PALD1: variants seen among roughly 807,000 people sequenced by gnomAD.
PALD1 encodes the protein phosphatase domain containing paladin 1.
A neutral mutation model predicts 96.0 loss-of-function variants in PALD1; 57 were observed. The observed-to-expected ratio is 0.59, with a 90% CI of 0.48 to 0.74. The LOEUF (loss-of-function observed/expected upper bound fraction) is 0.74, where lower values mean the gene tolerates loss of function less well. PALD1 is among the 30% of genes least tolerant of loss of function. PALD1 has a pLI of 0.00. For missense variants in PALD1, 1,063 were observed against 1,143.7 expected, an observed-to-expected ratio of 0.93 and a Z score of 1.02; for synonymous variants, 464 against 473.6, an observed-to-expected ratio of 0.98 and a Z score of 0.26.
intron 1 of PALD1, among the ~76,000 whole-genome samples, chr10:70,495,859 A>T (rs78170573): frequency 6.7e-6 from 1 of 148,932 alleles, no homozygotes; most frequent in Non-Finnish European, 1.5e-5. Context: ...AAAAAAAAAA[A>T]TTAGCCAGCT....
Position 70,547,457 on chromosome 10 carries a change from A to AACC in PALD1, c.2262+11_2262+12insACC. On this transcript the variant is annotated intron_variant, in intron 18 of 19. Transcript: ENST00000263563. ...TGCACCTACCGCCAGGTGAGCCCCC[A>AACC]CCCCACCCCACCCCACCCTGCCCCA... is the stretch of plus-strand genomic sequence containing the variant. 4 of 1,016,482 alleles carry AACC rather than the reference A, an allele frequency of 3.9e-6. No homozygotes were observed. Among genetic ancestry groups the AACC allele is most frequent in the Non-Finnish European group, 5.5e-6 (4 of 730,194 alleles). The allele number at this position is 1,016,482 out of a possible 1,614,324, so 63.0% of individuals were successfully genotyped here. A position where few individuals can be genotyped will look rare whatever the true frequency, so the allele number is the denominator to read the frequency against.
chr10:70,519,023 G>A (rs1846672619), intron 1 of PALD1, among the ~76,000 whole-genome samples: 2 of 152,216 alleles, frequency 1.3e-5, no homozygotes, highest in South Asian at 4.1e-4. Context: ...CTGTCCTTGT[G>A]GCCACTTGCT....
rs188966840 is a variant in PALD1 at position 70,485,044 on chromosome 10, C to T, written c.-30+5985C>T. ...ATTTTTAGCAGTGTTGTACAAAGAA[C>T]TGTCTTTTCATGTGAAATTCATGAA... On this transcript the variant is annotated intron_variant, in intron 1 of 19. Coordinates refer to ENST00000263563, the MANE Select transcript of PALD1 (RefSeq NM_014431.3). Among the ~76,000 whole-genome samples the T allele has an allele frequency of 2.6e-5, 4 of 152,250 alleles. 1 individual carries two copies. The East Asian group carries it at 7.7e-4, about 29-fold the overall frequency.
intron 1 of PALD1, among the ~76,000 whole-genome samples, chr10:70,522,557 C>T (rs187043172): frequency 9.2e-5 from 14 of 152,304 alleles, no homozygotes; most frequent in East Asian, 3.9e-4. Context: ...CTGTGAGCTC[C>T]GTGGGCACTG....
At chr10:70,520,529 A>G (rs1324442473) in intron 1 of PALD1, among the ~76,000 whole-genome samples, 4 of 151,832 alleles carry the variant, frequency 2.6e-5, no homozygotes, top group African/African-American at 4.8e-5. Flanking sequence ...AAGGCTCACC[A>G]CTCTGGCAGG....
intron 18 of PALD1, among the ~76,000 whole-genome samples, chr10:70,562,695 G>GA (rs1253663231): frequency 6.6e-6 from 1 of 152,142 alleles, no homozygotes; most frequent in African/African-American, 2.4e-5. Flanking sequence ...GATGGGGTGA[G>GA]AAGGGGATGG....
chr10:70,527,149 G>A (rs1846885136), intron 2 of PALD1, among the ~76,000 whole-genome samples: 1 of 152,224 alleles, frequency 6.6e-6, no homozygotes, highest in African/African-American at 2.4e-5. Context: ...TCGTGCCCCA[G>A]GCCTGGTTCT....
At position 70,529,981 on chromosome 10, in the gene PALD1, G is replaced by C. The variant is rs1431583597; in HGVS notation, c.381G>C (p.Gln127His). 5.0e-6 allele frequency: 8 copies of C among 1,611,454 alleles called. No homozygotes were observed. Among genetic ancestry groups the C allele is most frequent in the Non-Finnish European group, 8.5e-7 (1 of 1,178,876 alleles). Residue 127 changes from glutamine (Q) to histidine (H), a missense_variant, in exon 4 of 20, where the codon CAG becomes CAC. Coordinates refer to ENST00000263563, the MANE Select transcript of PALD1 (RefSeq NM_014431.3). Reference protein sequence around the residue: ...SCGAPNFRQVQGGLTVFGMGQ... With the variant: ...SCGAPNFRQVHGGLTVFGMGQ... The stretch of plus-strand genomic sequence containing the variant: ...GGGCCCCCAACTTCCGGCAGGTGCA[G>C]GGTGGGCTCACTGTGTTCGGCATGG...
chr10:70,464,134 T>TG, the PALD1 span, among the ~76,000 whole-genome samples: 88 of 152,188 alleles, frequency 5.8e-4, 1 homozygote, highest in East Asian at 0.015. Context: ...CCTTGATGAT[T>TG]GTCATAGGCT....
intron 1 of PALD1, among the ~76,000 whole-genome samples, chr10:70,525,197 A>G (rs2027112): frequency 0.038 from 5,742 of 149,994 alleles, 353 homozygotes; most frequent in African/African-American, 0.13. Flanking sequence ...TTTTAAGTAG[A>G]GATGGGGTTT....
At chr10:70,512,979 A>G (rs1846542964) in intron 1 of PALD1, among the ~76,000 whole-genome samples, 1 of 152,232 alleles carries the variant, frequency 6.6e-6, no homozygotes, top group Non-Finnish European at 1.5e-5. Context: ...ATACAAAACT[A>G]TGATGATCAT....
At chr10:70,460,978 C>T in the PALD1 span, among the ~76,000 whole-genome samples, 1 of 152,206 alleles carries the variant, frequency 6.6e-6, no homozygotes, top group Non-Finnish European at 1.5e-5. Context: ...TCACTTGAAC[C>T]CAAGAGGCAG....
At chr10:70,565,733 T>C (rs915154) in intron 19 of PALD1, among the ~76,000 whole-genome samples, 38,949 of 151,992 alleles carry the variant, frequency 0.26, 5,420 homozygotes, top group Admixed American at 0.4. Flanking sequence ...CATGTCGGGG[T>C]GCCTTCTTGA....
At chr10:70,470,384 T>A in the PALD1 span, among the ~76,000 whole-genome samples, 2 of 151,978 alleles carry the variant, frequency 1.3e-5, no homozygotes, top group Admixed American at 6.6e-5. Context: ...AAAACTCAAC[T>A]ATGCAGTAGG....
the PALD1 span, among the ~76,000 whole-genome samples, chr10:70,460,633 T>A: frequency 6.6e-6 from 1 of 152,122 alleles, no homozygotes; most frequent in Admixed American, 6.6e-5. Flanking sequence ...ATCTCTCTCC[T>A]GGACAACTGT....
chr10:70,521,913 T>G (rs1846744662), intron 1 of PALD1, among the ~76,000 whole-genome samples: 1 of 151,822 alleles, frequency 6.6e-6, no homozygotes, highest in African/African-American at 2.4e-5. Context: ...ATACATAAAA[T>G]AGGTGGGGTT....
upstream of PALD1, among the ~76,000 whole-genome samples, chr10:70,477,536 T>C (rs555920544): frequency 2.0e-5 from 3 of 152,306 alleles, no homozygotes; most frequent in South Asian, 6.2e-4. Context: ...GGACAAGTCT[T>C]CCCTGGGCCT....
At chr10:70,508,851 G>GTGTGTGTGTGTGTGTT in intron 1 of PALD1, among the ~76,000 whole-genome samples, 1 of 148,074 alleles carries the variant, frequency 6.8e-6, no homozygotes, top group African/African-American at 2.5e-5. Flanking sequence ...ACCTGTGTGT[G>GTGTGTGTGTGTGTGTT]TGTGTGCAGG....
chr10:70,498,586 GT>G (rs35830368), intron 1 of PALD1, among the ~76,000 whole-genome samples: 15,232 of 143,340 alleles, frequency 0.11, 1,021 homozygotes, highest in East Asian at 0.35. Flanking sequence ...GTCCTGTTTT[GT>G]TTTTTTTTTT....
Sources: allele counts gnomAD v4.1 joint callset (sites outside exome capture counted in the v4.1 genomes callset), GRCh38; gene constraint gnomAD v4.1.1; transcripts MANE v1.5; gene names NCBI Gene and HGNC (gene_info 2026-07-23, HGNC 2026-07-21).